C8orf33: variants seen among roughly 807,000 people sequenced by gnomAD.
C8orf33 encodes the protein chromosome 8 open reading frame 33.
Under a neutral mutation model 25.7 loss-of-function variants are expected in C8orf33, and 28 were observed. That is an observed-to-expected ratio of 1.09 (90% confidence interval 0.81 to 1.49). The LOEUF is 1.49. Among genes scored for constraint, C8orf33 ranks in the 40% most tolerant of loss-of-function variants. The pLI is 0.00. For missense variants in C8orf33, 369 were observed against 294.4 expected (o/e 1.25, Z -1.85); for synonymous variants, 153 against 115.9 (o/e 1.32, Z -2.06).
chr8:145,053,738 C>T, intron 4 of C8orf33: 1 of 579,438 alleles, frequency 1.7e-6, no homozygotes, highest in South Asian at 2.1e-5. Context: ...GCTTTCTCTA[C>T]TAGCAATGAA....
rs757085062 is a variant in C8orf33 at position 145,054,095 on chromosome 8, A to G, written c.628A>G (p.Ile210Val). The change falls in exon 5 of 5, where the codon ATA (isoleucine) becomes GTA (valine). Residue 210 changes from isoleucine (I) to valine (V), a missense_variant. Coordinates refer to ENST00000331434, the MANE Select transcript of C8orf33 (RefSeq NM_023080.3). ...CCAAAGGGTCTGCAGGCCTCGCTCT[A>G]TATGGAGAGCCAAAGCCACTCTGGA... ...KSQRVCRPRSIWRAKATLDMP... is the reference protein window; with the variant it reads ...KSQRVCRPRSVWRAKATLDMP... 1.5e-5 allele frequency: 24 copies of G among 1,614,132 alleles called. No individual in the cohort carries two copies. Among genetic ancestry groups the G allele is most frequent in the Non-Finnish European group, 1.9e-5 (23 of 1,179,968 alleles).
At position 145,053,294 on chromosome 8, in the gene C8orf33, C is replaced by G; in HGVS notation, c.404-3C>G. ...TTCACTAGTCCTTTATTTTTATTCG[C>G]AGAAGAGCAGGCTATTGGAGCAATC... On this transcript the variant is annotated splice_region_variant and splice_polypyrimidine_tract_variant and intron_variant, in intron 3 of 4. Coordinates refer to ENST00000331434, the MANE Select transcript of C8orf33 (RefSeq NM_023080.3). The G allele has an allele frequency of 6.2e-7, 1 of 1,613,940 alleles. No individual in the cohort carries two copies. Among genetic ancestry groups the G allele is most frequent in the Non-Finnish European group, 8.5e-7 (1 of 1,179,916 alleles).
chr8:145,053,001 G>C, intron 2 of C8orf33, 61 bp from the exon 3 acceptor site: 1 of 1,610,384 alleles, frequency 6.2e-7, no homozygotes, highest in Non-Finnish European at 8.5e-7. Flanking sequence ...GGCATGGGAT[G>C]GGGCCGGCGG....
rs906891040 is a variant in C8orf33 at position 145,052,849 on chromosome 8, C to T, written c.270C>T (p.Ala90=). ...RASVANGGEK[A]SEKLAPEEVP... is the part of the protein sequence containing the mutation. ...CTGTGGCAAATGGAGGCGAGAAGGC[C>T]TCAGAGAAACTCGCCCCAGAAGAAG... The change falls in exon 2 of 5, where the codon GCC becomes GCT. Residue 90 remains alanine, a synonymous_variant. Coordinates refer to ENST00000331434, the MANE Select transcript of C8orf33 (RefSeq NM_023080.3). 2 of 1,613,630 alleles carry T rather than the reference C, an allele frequency of 1.2e-6. No individual in the cohort carries two copies. Among genetic ancestry groups the T allele is most frequent in the Non-Finnish European group, 8.5e-7 (1 of 1,179,958 alleles).
rs368932869 is a variant in C8orf33, at chr8:145,053,308, A to T, written c.415A>T (p.Ile139Phe). The change falls in exon 4 of 5, where the codon ATT (isoleucine) becomes TTT (phenylalanine). Residue 139 changes from isoleucine to phenylalanine, a missense_variant. Transcript: ENST00000331434. The stretch of plus-strand genomic sequence containing the variant: ...ATTTTTATTCGCAGAAGAGCAGGCT[A>T]TTGGAGCAATCCGAACCCTGCGCAG... The part of the protein sequence containing the change: ...KPTPKQKEQA[I>F]GAIRTLRSKR... 1 of 1,614,038 alleles carries T rather than the reference A, an allele frequency of 6.2e-7. No homozygotes were observed. The highest frequency in any genetic ancestry group is 2.2e-5 in the East Asian group (1 of 44,900).
In C8orf33 at chr8:145,052,587, C is replaced by T. The variant is rs777694600; in HGVS notation, c.8C>T (p.Ala3Val). The T allele has an allele frequency of 2.6e-5, 42 of 1,604,880 alleles. No homozygotes were observed. Among genetic ancestry groups the T allele is most frequent in the Non-Finnish European group, 3.5e-5 (41 of 1,179,580 alleles). The stretch of plus-strand genomic sequence containing the variant: ...CTCGTGCTACCCCCCTTTCTCCAGG[C>T]CCTGGGACATCTTGCTGGGGAGGCA... MA[A>V]LGHLAGEAAA... is the part of the protein sequence containing the mutation. Residue 3 changes from alanine to valine, a missense_variant and splice_region_variant, in exon 2 of 5, where the codon GCC becomes GTC. Coordinates refer to ENST00000331434, the MANE Select transcript of C8orf33 (RefSeq NM_023080.3).
chr8:145,052,974 G>T, intron 2 of C8orf33, 77 bp downstream of exon 2: 1 of 1,604,716 alleles, frequency 6.2e-7, no homozygotes, highest in South Asian at 1.1e-5. Context: ...GGGGTCCGCG[G>T]AGTTAAGGCG....
chr8:145,052,769 G>A lies in C8orf33; in HGVS notation c.190G>A (p.Gly64Ser), dbSNP rs1484560353. 1.2e-6 allele frequency: 2 copies of A among 1,614,092 alleles called. No individual in the cohort carries two copies. Among genetic ancestry groups the A allele is most frequent in the African/African-American group, 2.7e-5 (2 of 74,934 alleles). The change falls in exon 2 of 5, where the codon GGC becomes AGC. Residue 64 changes from glycine (G) to serine (S), a missense_variant. Gly to Ser is a moderately conservative substitution (Grantham distance 56). Transcript: ENST00000331434. Reference sequence around the variant, plus strand: ...CAGAGCGCACCCGTTGGGCGATGAAGGCGGCACAGCGTCGAAAAAACAAAA... The same window carrying A: ...CAGAGCGCACCCGTTGGGCGATGAAAGCGGCACAGCGTCGAAAAAACAAAA... ...DSRAHPLGDEGGTASKKQKNK... is the reference protein window; with the variant it reads ...DSRAHPLGDESGTASKKQKNK...
chr8:145,055,832 G>T lies in C8orf33; in HGVS notation c.*1675G>T. 6.4e-6 allele frequency: 1 copy of T among 155,438 alleles called. No individual in the cohort carries two copies. Among genetic ancestry groups the T allele is most frequent in the South Asian group, 1.9e-4 (1 of 5,380 alleles). The allele number at this position is 155,438 out of a possible 1,614,324, so 9.6% of individuals were successfully genotyped here. On this transcript the variant is annotated 3_prime_UTR_variant, in exon 5 of 5. Transcript: ENST00000331434. Reference sequence around the variant, plus strand: ...TCTTCTCTCTCTCTCTGCCTCTGCTGCCAGGCAGGGAAGGGCCCCCTGTCC... The same window carrying T: ...TCTTCTCTCTCTCTCTGCCTCTGCTTCCAGGCAGGGAAGGGCCCCCTGTCC...
rs1835289789 is a variant in C8orf33, at chr8:145,052,581, T to A, written c.7-5T>A. On this transcript the variant is annotated splice_polypyrimidine_tract_variant and splice_region_variant and intron_variant, in intron 1 of 4. Transcript: ENST00000331434. ...GTGACCCTCGTGCTACCCCCCTTTC[T>A]CCAGGCCCTGGGACATCTTGCTGGG... 1.2e-6 allele frequency: 2 copies of A among 1,603,800 alleles called. No homozygotes were observed. The highest frequency in any genetic ancestry group is 2.7e-5 in the African/African-American group (2 of 74,852).
At chr8:145,053,502 G>T (rs552121907) in intron 4 of C8orf33, 59 bp downstream of exon 4, 2 of 1,573,270 alleles carry the variant, frequency 1.3e-6, no homozygotes, top group Non-Finnish European at 8.7e-7. Flanking sequence ...AAGTGTCTAG[G>T]GGGTGAAAGG....
chr8:145,054,276 C>A lies in C8orf33; in HGVS notation c.*119C>A. The A allele has an allele frequency of 1.7e-6, 2 of 1,191,086 alleles. No individual in the cohort carries two copies. Among genetic ancestry groups the A allele is most frequent in the Non-Finnish European group, 2.4e-6 (2 of 848,846 alleles). 73.8% of individuals were successfully genotyped at this position (1,191,086 alleles called of 1,614,324 possible). A position where few individuals can be genotyped will look rare whatever the true frequency, so the allele number is the denominator to read the frequency against. On this transcript the variant is annotated 3_prime_UTR_variant, in exon 5 of 5. Transcript: ENST00000331434. ...AACCCTGGAGTTGGTCTGTCCCTGG[C>A]TGGTCCAAGGATTTGTAGCTGTTGT...
chr8:145,052,793 A>C lies in C8orf33; in HGVS notation c.214A>C (p.Lys72Gln), dbSNP rs1310810384. Reference protein sequence around the residue: ...DEGGTASKKQKNKKKTRNRAS... With the variant: ...DEGGTASKKQQNKKKTRNRAS... The stretch of plus-strand genomic sequence containing the variant: ...AGGCGGCACAGCGTCGAAAAAACAA[A>C]AGAATAAGAAGAAAACGCGGAACAG... The change falls in exon 2 of 5, where the codon AAG becomes CAG. Residue 72 changes from lysine (K) to glutamine (Q), a missense_variant. Transcript: ENST00000331434. The C allele has an allele frequency of 6.2e-7, 1 of 1,613,956 alleles. No homozygotes were observed. The highest frequency in any genetic ancestry group is 8.5e-7 in the Non-Finnish European group (1 of 1,180,014).
rs1213211954 is a variant in C8orf33, at chr8:145,053,380, T to TCC, written c.487_488insCC (p.Phe163SerfsTer32). 4 of 1,614,182 alleles carry TCC rather than the reference T, an allele frequency of 2.5e-6. No homozygotes were observed. Among genetic ancestry groups the TCC allele is most frequent in the Non-Finnish European group, 3.4e-6 (4 of 1,180,018 alleles). The stretch of plus-strand genomic sequence containing the variant: ...GAAGAGGCAGCTGATGCACTCCTTG[T>TCC]TTGGAGACTATAGGGCTCAGATGGA... On this transcript the variant is annotated frameshift_variant, in exon 4 of 5. Transcript: ENST00000331434. LOFTEE classifies it high-confidence loss of function.
intron 4 of C8orf33, 158 bp from the exon 5 acceptor site, chr8:145,053,860 C>CT: frequency 1.1e-6 from 1 of 944,168 alleles, no homozygotes; most frequent in East Asian, 2.4e-5. Flanking sequence ...CTGAACCTCT[C>CT]TAAGTGGGGG....
At position 145,052,685 on chromosome 8, in the gene C8orf33, C is replaced by T; in HGVS notation, c.106C>T (p.Arg36Trp). 12 of 1,613,946 alleles carry T rather than the reference C, an allele frequency of 7.4e-6. No homozygotes were observed. Among genetic ancestry groups the T allele is most frequent in the Non-Finnish European group, 1.0e-5 (12 of 1,180,032 alleles). ...ARLPGPVSSA[R>W]NPSTVCLCPE... ...GCTTCCCGGCCCAGTTTCCAGCGCC[C>T]GGAATCCTTCCACTGTCTGTCTCTG... The change falls in exon 2 of 5, where the codon CGG becomes TGG. Residue 36 changes from arginine to tryptophan, a missense_variant. Physicochemically the swap from Arg to Trp is moderately radical, Grantham distance 101 (BLOSUM62 -3). Coordinates refer to ENST00000331434, the MANE Select transcript of C8orf33 (RefSeq NM_023080.3).
Position 145,053,308 on chromosome 8 carries a change from A to G in C8orf33, c.415A>G (p.Ile139Val), listed in dbSNP as rs368932869. 9.9e-6 allele frequency: 16 copies of G among 1,614,156 alleles called. No homozygotes were observed. The African/African-American group carries it at 1.3e-4, about 13-fold the overall frequency. ...KPTPKQKEQA[I>V]GAIRTLRSKR... ...ATTTTTATTCGCAGAAGAGCAGGCT[A>G]TTGGAGCAATCCGAACCCTGCGCAG... Residue 139 changes from isoleucine to valine, a missense_variant, in exon 4 of 5, where the codon ATT becomes GTT. Ile to Val is a conservative substitution (Grantham distance 29, BLOSUM62 3). Transcript: ENST00000331434.
chr8:145,052,961 T>A, intron 2 of C8orf33, 64 bp downstream of exon 2: 1 of 1,601,482 alleles, frequency 6.2e-7, no homozygotes, highest in Non-Finnish European at 8.5e-7. Flanking sequence ...GCACGTGTGA[T>A]CTGGGGTCCG....
rs1483687002 is a variant in C8orf33 at position 145,053,161 on chromosome 8, T to C, written c.403+15T>C. 6.2e-7 allele frequency: 1 copy of C among 1,613,964 alleles called. No homozygotes were observed. Among genetic ancestry groups the C allele is most frequent in the African/African-American group, 1.3e-5 (1 of 74,914 alleles). On this transcript the variant is annotated intron_variant, in intron 3 of 4. Transcript: ENST00000331434. ...CCCGAAACAGAGTAAGGGACCCTTC[T>C]GTAGAGCTGGGGGATGTGAACAGTG... is the stretch of plus-strand genomic sequence containing the variant.
Sources: allele counts gnomAD v4.1 joint callset, GRCh38; gene constraint gnomAD v4.1.1; transcripts MANE v1.5; gene names NCBI Gene and HGNC (gene_info 2026-07-23, HGNC 2026-07-21).